Variants in CDH10 observed in about 807,000 individuals in gnomAD.
CDH10 encodes the protein cadherin-10.
A neutral mutation model predicts 73.1 loss-of-function variants in CDH10; 30 were observed. The ratio of observed to expected loss-of-function variants is 0.41; its 90% CI spans 0.31 to 0.56. The LOEUF (loss-of-function observed/expected upper bound fraction) is 0.56, where lower values mean the gene tolerates loss of function less well. Among genes scored for constraint, CDH10 ranks in the 20% least tolerant of loss-of-function variants. The probability of loss-of-function intolerance (pLI) is 0.27; values close to 1 mark genes in which losing one functional copy is unlikely to be tolerated. For synonymous variants in CDH10, 345 were observed against 348.2 expected (o/e 0.99, Z 0.10); for missense variants, 815 against 973.7 (o/e 0.84, Z 2.17).
intron 1 of CDH10, among the ~76,000 whole-genome samples, chr5:24,603,212 T>C (rs1276969806): frequency 2.0e-5 from 3 of 152,160 alleles, no homozygotes; most frequent in East Asian, 1.9e-4. Context: ...TCAGCTTTAG[T>C]TGTAAAGACC....
chr5:24,525,947 A>T (rs907316273), intron 5 of CDH10, among the ~76,000 whole-genome samples: 1 of 152,102 alleles, frequency 6.6e-6, no homozygotes, highest in Admixed American at 6.6e-5. Context: ...ATAATACACA[A>T]TGGCAATGTG....
At chr5:24,613,522 G>A (rs1309259838) in intron 1 of CDH10, among the ~76,000 whole-genome samples, 6 of 122,834 alleles carry the variant, frequency 4.9e-5, no homozygotes, top group South Asian at 2.8e-4. Context: ...TCTTTGCTGG[G>A]AAAAAAAAAA....
chr5:24,551,301 CTT>C (rs1378371016), intron 2 of CDH10, among the ~76,000 whole-genome samples: 1 of 152,136 alleles, frequency 6.6e-6, no homozygotes, highest in Admixed American at 6.6e-5. Context: ...ATTATTCCCT[CTT>C]GTTTCACTTG....
rs1743310305 is a variant in CDH10, at chr5:24,521,025, A to G, written c.815-9511T>C. On this transcript the variant is annotated intron_variant, in intron 5 of 11. Transcript: ENST00000264463. ...CCGGCCACAAATAATTTTCAAGTTGAGAATTTAAAGTATGGGTAGCATTCC... is the reference window on the plus strand; with the variant it reads ...CCGGCCACAAATAATTTTCAAGTTGGGAATTTAAAGTATGGGTAGCATTCC... Among the ~76,000 whole-genome samples, 3 of 152,124 alleles carry G rather than the reference A, an allele frequency of 2.0e-5. No homozygotes were observed. The South Asian group carries it at 6.2e-4, about 32-fold the overall frequency.
intron 1 of CDH10, among the ~76,000 whole-genome samples, chr5:24,606,104 G>T (rs1010904788): frequency 1.3e-5 from 2 of 152,308 alleles, no homozygotes; most frequent in East Asian, 3.9e-4. Flanking sequence ...TGGGGAGATG[G>T]AAATGTTCTC....
At chr5:24,630,925 A>G (rs1747682291) in intron 1 of CDH10, among the ~76,000 whole-genome samples, 1 of 152,152 alleles carries the variant, frequency 6.6e-6, no homozygotes, top group Admixed American at 6.6e-5. Context: ...CCTTTCAGCA[A>G]AGTTAGGAGG....
chr5:24,533,931 T>C (rs868294005), intron 5 of CDH10, among the ~76,000 whole-genome samples: 12 of 152,174 alleles, frequency 7.9e-5, no homozygotes, highest in African/African-American at 2.6e-4. Flanking sequence ...GTCACAAATA[T>C]ATAGGTACGT....
chr5:24,522,373 T>A (rs556528873), intron 5 of CDH10, among the ~76,000 whole-genome samples: 27 of 152,180 alleles, frequency 1.8e-4, no homozygotes, highest in African/African-American at 6.0e-4. Context: ...TTCAGCATAG[T>A]CCCTTTGGAT....
At chr5:24,620,977 A>C (rs1307843480) in intron 1 of CDH10, among the ~76,000 whole-genome samples, 1 of 152,192 alleles carries the variant, frequency 6.6e-6, no homozygotes, top group African/African-American at 2.4e-5. Context: ...AATATACAAG[A>C]CACTTGGACC....
chr5:24,547,736 T>G (rs1036102437), intron 2 of CDH10, among the ~76,000 whole-genome samples: 2 of 152,202 alleles, frequency 1.3e-5, no homozygotes, highest in East Asian at 3.8e-4. Flanking sequence ...CCAGAGATTA[T>G]GGAATTGAAC....
At chr5:24,523,132 G>A (rs975279603) in intron 5 of CDH10, among the ~76,000 whole-genome samples, 1 of 152,028 alleles carries the variant, frequency 6.6e-6, no homozygotes, top group Non-Finnish European at 1.5e-5. Flanking sequence ...TATATTTGGG[G>A]AGAACAGAAT....
chr5:24,530,357 T>A (rs1013749581), intron 5 of CDH10, among the ~76,000 whole-genome samples: 7 of 152,028 alleles, frequency 4.6e-5, no homozygotes, highest in Admixed American at 1.3e-4. Flanking sequence ...GTTGGTTTTG[T>A]CAAGCCCTAC....
chr5:24,502,428 G>T (rs16899433), intron 8 of CDH10, among the ~76,000 whole-genome samples: 2 of 152,054 alleles, frequency 1.3e-5, no homozygotes, highest in South Asian at 4.1e-4. Flanking sequence ...TGCTCAGGGC[G>T]TGATGTATGA....
At chr5:24,587,381 G>A (rs1746059492) in intron 2 of CDH10, among the ~76,000 whole-genome samples, 1 of 151,984 alleles carries the variant, frequency 6.6e-6, no homozygotes, top group Non-Finnish European at 1.5e-5. Context: ...TCAATACAAT[G>A]GGTACAAAAT....
intron 1 of CDH10, among the ~76,000 whole-genome samples, chr5:24,632,481 T>A (rs1483235344): frequency 2.0e-5 from 3 of 152,018 alleles, no homozygotes; most frequent in South Asian, 2.1e-4. Context: ...TAGTAATATA[T>A]CTCAGAATAG....
chr5:24,581,174 C>A (rs1745784347), intron 2 of CDH10, among the ~76,000 whole-genome samples: 1 of 152,158 alleles, frequency 6.6e-6, no homozygotes, highest in Non-Finnish European at 1.5e-5. Flanking sequence ...TCTTTTCCAA[C>A]CTCTTCTCCT....
At chr5:24,619,584 A>C (rs1747241789) in intron 1 of CDH10, among the ~76,000 whole-genome samples, 1 of 152,230 alleles carries the variant, frequency 6.6e-6, no homozygotes, top group South Asian at 2.1e-4. Context: ...GTGGTAAAAC[A>C]AATGTATTTT....
At chr5:24,490,150 C>A in intron 11 of CDH10, among the ~76,000 whole-genome samples, 1 of 152,162 alleles carries the variant, frequency 6.6e-6, no homozygotes, top group East Asian at 1.9e-4. Context: ...TAGAGACTTT[C>A]ATTTTAATTA....
intron 2 of CDH10, among the ~76,000 whole-genome samples, chr5:24,563,697 G>C (rs1396818845): frequency 2.0e-5 from 3 of 148,908 alleles, no homozygotes; most frequent in Non-Finnish European, 4.4e-5. Flanking sequence ...CTGAACCTGG[G>C]AGGCGGAGCT....
Sources: gnomAD v4.1 joint callset for allele counts (sites outside exome capture counted in the v4.1 genomes callset) on GRCh38, gnomAD v4.1.1 for gene constraint, MANE v1.5 for transcripts, NCBI Gene and HGNC (gene_info 2026-07-23, HGNC 2026-07-21) for gene names.